COL5A2: variants seen among roughly 807,000 people sequenced by gnomAD.
COL5A2 encodes the protein collagen type V alpha 2 chain.
A neutral mutation model predicts 208.2 loss-of-function variants in COL5A2; 23 were observed. That is an observed-to-expected ratio of 0.11 (90% CI 0.08 to 0.16). The LOEUF (loss-of-function observed/expected upper bound fraction) is 0.16. COL5A2 is among the 10% of genes least tolerant of loss of function. The probability of loss-of-function intolerance (pLI) is 1.00; values close to 1 mark genes in which losing one functional copy is unlikely to be tolerated. For missense variants in COL5A2, 1,590 were observed against 1,956.4 expected (o/e 0.81, Z 3.53); for synonymous variants, 625 against 628.5 (o/e 0.99, Z 0.08).
chr2:189,103,193 G>A (rs542518334), intron 3 of COL5A2, among the ~76,000 whole-genome samples: 1 of 151,954 alleles, frequency 6.6e-6, no homozygotes, highest in Non-Finnish European at 1.5e-5. Context: ...ATACCAATCT[G>A]CTAAGTTTCA....
At chr2:189,094,741 T>C (rs1355749595) in intron 6 of COL5A2, among the ~76,000 whole-genome samples, 1 of 53,128 alleles carries the variant, frequency 1.9e-5, no homozygotes, top group Non-Finnish European at 5.4e-5. Context: ...AACTAGAACT[T>C]AGCACATCAT....
At chr2:189,312,281 G>T in the COL5A2 span, among the ~76,000 whole-genome samples, 1 of 152,094 alleles carries the variant, frequency 6.6e-6, no homozygotes, top group African/African-American at 2.4e-5. Context: ...GGTCGTTCAG[G>T]CTTTGCATGG....
At chr2:189,257,646 G>C in the COL5A2 span, among the ~76,000 whole-genome samples, 2 of 152,030 alleles carry the variant, frequency 1.3e-5, no homozygotes, top group Non-Finnish European at 2.9e-5. Flanking sequence ...CAGGGAAATG[G>C]GCCAGATCTT....
chr2:189,426,467 C>G, the COL5A2 span, among the ~76,000 whole-genome samples: 2 of 152,200 alleles, frequency 1.3e-5, no homozygotes, highest in Non-Finnish European at 2.9e-5. Flanking sequence ...ATCTTTGCTT[C>G]GAGTTTTCCC....
chr2:189,287,999 A>G, the COL5A2 span, among the ~76,000 whole-genome samples: 1 of 152,180 alleles, frequency 6.6e-6, no homozygotes, highest in Non-Finnish European at 1.5e-5. Context: ...ACATACAAGC[A>G]AAAAACAAAG....
the COL5A2 span, among the ~76,000 whole-genome samples, chr2:189,296,893 G>C: frequency 2.0e-5 from 3 of 152,180 alleles, no homozygotes; most frequent in Admixed American, 2.0e-4. Context: ...AATTTGTATA[G>C]ATTTTAATGA....
At chr2:189,307,182 C>T in the COL5A2 span, among the ~76,000 whole-genome samples, 1 of 152,062 alleles carries the variant, frequency 6.6e-6, no homozygotes, top group Non-Finnish European at 1.5e-5. Flanking sequence ...TATTTTAATT[C>T]ATTTAGTATT....
rs368340034 is a variant in COL5A2, at chr2:189,043,276, G to A, written c.3364-18C>T. 3.9e-6 allele frequency: 6 copies of A among 1,555,226 alleles called. No individual in the cohort carries two copies. Among genetic ancestry groups the A allele is most frequent in the Non-Finnish European group, 4.4e-6 (5 of 1,127,158 alleles). ...TGGGGTCCCTAGAAATAGAGATATG[G>A]CATGAAAATTACTTGCTACATATTA... is the stretch of plus-strand genomic sequence containing the variant. On this transcript the variant is annotated intron_variant, in intron 47 of 53. Coordinates refer to ENST00000374866, the MANE Select transcript of COL5A2 (RefSeq NM_000393.5).
intron 35 of COL5A2, among the ~76,000 whole-genome samples, chr2:189,055,070 T>C (rs1217962178): frequency 6.6e-6 from 1 of 152,100 alleles, no homozygotes; most frequent in Non-Finnish European, 1.5e-5. Context: ...GTATTTTTAG[T>C]AGAGACGGGG....
intron 25 of COL5A2, among the ~76,000 whole-genome samples, chr2:189,064,300 T>A (rs1175255734): frequency 6.6e-6 from 1 of 152,048 alleles, no homozygotes; most frequent in Non-Finnish European, 1.5e-5. Context: ...CAAACAGGAT[T>A]TTTTTCTCAT....
At chr2:189,283,892 T>C in the COL5A2 span, among the ~76,000 whole-genome samples, 1 of 152,246 alleles carries the variant, frequency 6.6e-6, no homozygotes, top group East Asian at 1.9e-4. Flanking sequence ...ACCACATGAA[T>C]CCAGAGTTGG....
chr2:189,102,975 G>A (rs901915412), intron 3 of COL5A2, among the ~76,000 whole-genome samples: 6 of 152,006 alleles, frequency 3.9e-5, no homozygotes, highest in African/African-American at 1.4e-4. Flanking sequence ...CACTACTTTT[G>A]GAGAAAGGCA....
intron 1 of COL5A2, among the ~76,000 whole-genome samples, chr2:189,143,874 A>G (rs1035784199): frequency 6.6e-6 from 1 of 152,162 alleles, no homozygotes; most frequent in Non-Finnish European, 1.5e-5. Flanking sequence ...AAAAAATCCT[A>G]CAAGTGGTAT....
chr2:189,392,744 T>G, the COL5A2 span, among the ~76,000 whole-genome samples: 5 of 152,128 alleles, frequency 3.3e-5, no homozygotes, highest in Non-Finnish European at 7.4e-5. Context: ...TAAATCATAC[T>G]CATCAAATGG....
chr2:189,110,342 T>C lies in COL5A2; in HGVS notation c.205A>G (p.Ile69Val), dbSNP rs1193774308. ...CQICVCDNGA[I>V]LCDKIECQDV... ...TGGCATTCTATCTTGTCACAGAGAA[T>C]GGCTCCATTGTCACAGACACAGATC... The change falls in exon 2 of 54, where the codon ATT becomes GTT. Residue 69 changes from isoleucine (I) to valine (V), a missense_variant. By Grantham distance (29) the Ile-to-Val change is conservative. Transcript: ENST00000374866. 5 of 1,614,200 alleles carry C rather than the reference T, an allele frequency of 3.1e-6. No individual in the cohort carries two copies. Among genetic ancestry groups the C allele is most frequent in the East Asian group, 2.2e-5 (1 of 44,880 alleles).
At position 189,100,144 on chromosome 2, in the gene COL5A2, G is replaced by A. The variant is rs1434874920; in HGVS notation, c.337-5C>T. 1.9e-6 allele frequency: 3 copies of A among 1,610,220 alleles called. No individual in the cohort carries two copies. The highest frequency in any genetic ancestry group is 2.5e-6 in the Non-Finnish European group (3 of 1,176,892). On this transcript the variant is annotated splice_polypyrimidine_tract_variant and splice_region_variant and intron_variant, in intron 3 of 53. Transcript: ENST00000374866. ...TCCTGGTTCTCCCTTTTGTCCCTGT[G>A]ACATTAAAAACAATTCAAAAATTCA...
At chr2:189,142,235 A>G (rs944792184) in intron 1 of COL5A2, among the ~76,000 whole-genome samples, 1 of 152,070 alleles carries the variant, frequency 6.6e-6, no homozygotes, top group Non-Finnish European at 1.5e-5. Context: ...CGAACTAGGT[A>G]TATTTAAACA....
the COL5A2 span, among the ~76,000 whole-genome samples, chr2:189,363,137 A>T: frequency 2.6e-5 from 4 of 152,254 alleles, no homozygotes; most frequent in African/African-American, 7.2e-5. Context: ...TCCAAAACTA[A>T]CACCTTTCAT....
At chr2:189,311,932 G>A in the COL5A2 span, 15 of 782,548 alleles carry the variant, frequency 1.9e-5, no homozygotes, top group South Asian at 9.3e-5. Context: ...TGAGAGCCTC[G>A]ATCTCTGTCT....
Sources: allele counts gnomAD v4.1 joint callset (sites outside exome capture counted in the v4.1 genomes callset), GRCh38; gene constraint gnomAD v4.1.1; transcripts MANE v1.5; gene names NCBI Gene and HGNC (gene_info 2026-07-23, HGNC 2026-07-21).